NETO1: variants seen among roughly 807,000 people sequenced by gnomAD.
The protein encoded by NETO1 is neuropilin and tolloid like 1.
A neutral mutation model predicts 61.3 loss-of-function variants in NETO1; 26 were observed. The observed-to-expected ratio is 0.42, with a 90% confidence interval of 0.31 to 0.59. NETO1 has a LOEUF of 0.59. Ranked by LOEUF, NETO1 falls within the 20% of genes least tolerant of loss-of-function variation. The pLI is 0.12. For missense variants in NETO1, 531 were observed against 662.8 expected, an observed-to-expected ratio of 0.80 and a Z score of 2.18; for synonymous variants, 225 against 225.8, an observed-to-expected ratio of 1.00 and a Z score of 0.03.
rs546886634 is a variant in NETO1 at position 72,810,694 on chromosome 18, T to C, written c.470-16290A>G. On this transcript the variant is annotated intron_variant, in intron 4 of 10. Coordinates refer to ENST00000327305, the MANE Select transcript of NETO1 (RefSeq NM_138966.5). The stretch of plus-strand genomic sequence containing the variant: ...GCTTAAGACACAGCTGTTTATGAGA[T>C]ACCTGCTCAATCTGTAGTTCCTCGC... Among the ~76,000 whole-genome samples, 3 of 152,212 alleles carry C rather than the reference T, an allele frequency of 2.0e-5. No individual in the cohort carries two copies. The South Asian group carries it at 6.2e-4, about 32-fold the overall frequency.
rs187368316 is a variant in NETO1 at position 72,814,843 on chromosome 18, G to A, written c.470-20439C>T. 4.6e-3 allele frequency among the ~76,000 whole-genome samples: 701 copies of A among 151,720 alleles called. 6 individuals are homozygous for A. The highest frequency in any genetic ancestry group is 0.016 in the African/African-American group (655 of 41,402). On this transcript the variant is annotated intron_variant, in intron 4 of 10. Coordinates refer to ENST00000327305, the MANE Select transcript of NETO1 (RefSeq NM_138966.5). The stretch of plus-strand genomic sequence containing the variant: ...AAATGTATATATACCTAATAACATA[G>A]GTACAATGTTATCATTGCATCAATG...
At chr18:72,765,665 C>T (rs2071129501) in intron 7 of NETO1, among the ~76,000 whole-genome samples, 1 of 152,098 alleles carries the variant, frequency 6.6e-6, no homozygotes, top group African/African-American at 2.4e-5. Context: ...GATCCACCCA[C>T]CTTGGCCTCC....
At chr18:72,831,031 C>T (rs1008140059) in intron 4 of NETO1, among the ~76,000 whole-genome samples, 1 of 152,130 alleles carries the variant, frequency 6.6e-6, no homozygotes, top group East Asian at 1.9e-4. Flanking sequence ...TTTTCAAGAC[C>T]CCCTTACCCC....
intron 4 of NETO1, among the ~76,000 whole-genome samples, chr18:72,831,377 C>T (rs1302864616): frequency 6.6e-6 from 1 of 152,160 alleles, no homozygotes; most frequent in Admixed American, 6.5e-5. Flanking sequence ...GGGTTAACTC[C>T]ACTTCCATAT....
intron 8 of NETO1, 123 bp downstream of exon 8, chr18:72,755,911 A>G (rs2070767303): frequency 1.8e-6 from 1 of 566,752 alleles, no homozygotes; most frequent in South Asian, 2.6e-5. Flanking sequence ...TATAAGACAT[A>G]TGCGGTGGTC....
intron 6 of NETO1, among the ~76,000 whole-genome samples, chr18:72,784,416 A>G (rs1203836011): frequency 6.6e-6 from 1 of 152,176 alleles, no homozygotes; most frequent in Non-Finnish European, 1.5e-5. Flanking sequence ...TTCATTTTTG[A>G]GTCGAAGTAT....
chr18:72,751,251 G>A (rs895650207), intron 8 of NETO1, among the ~76,000 whole-genome samples: 13 of 152,166 alleles, frequency 8.5e-5, no homozygotes, highest in Admixed American at 8.5e-4. Flanking sequence ...TGAAACTCAG[G>A]AAATTGTCCT....
At position 72,830,106 on chromosome 18, in the gene NETO1, C is replaced by A. The variant is rs2073525124; in HGVS notation, c.469+28720G>T. Among the ~76,000 whole-genome samples, 1 of 152,100 alleles carries A rather than the reference C, an allele frequency of 6.6e-6. No homozygotes were observed. Among genetic ancestry groups the A allele is most frequent in the African/African-American group, 2.4e-5 (1 of 41,384 alleles). On this transcript the variant is annotated intron_variant, in intron 4 of 10. Coordinates refer to ENST00000327305, the MANE Select transcript of NETO1 (RefSeq NM_138966.5). This position sits in a 1 kb window ranked among gnomAD's most constrained non-coding sequence, Gnocchi z 4.9. ...TTCAGGCCCACATCTACCTATGTGG[C>A]TGAAATATGAAGGAAGTACTATAAA...
chr18:72,861,188 C>T (rs941030082), intron 3 of NETO1, among the ~76,000 whole-genome samples: 1 of 152,144 alleles, frequency 6.6e-6, no homozygotes, highest in Non-Finnish European at 1.5e-5. Flanking sequence ...TCGATGTTCC[C>T]CAGGAAACAT....
At chr18:72,840,639 GAT>G (rs943240256) in intron 4 of NETO1, among the ~76,000 whole-genome samples, 4 of 13,442 alleles carry the variant, frequency 3.0e-4, no homozygotes, top group South Asian at 1.6e-3. Flanking sequence ...GAAATTCAGA[GAT>G]TTTTTTTTTT....
chr18:72,791,102 C>T (rs997212716), intron 6 of NETO1, among the ~76,000 whole-genome samples: 2 of 152,086 alleles, frequency 1.3e-5, no homozygotes, highest in Admixed American at 1.3e-4. Context: ...GTTCTTTCTG[C>T]CTCTGGTTTT....
chr18:72,775,100 G>A (rs915357398), intron 7 of NETO1, among the ~76,000 whole-genome samples: 23 of 152,196 alleles, frequency 1.5e-4, no homozygotes, highest in African/African-American at 4.8e-4. Flanking sequence ...ACTGAAAGAG[G>A]CAGAGGTGAA....
At chr18:72,836,784 T>A (rs1020740136) in intron 4 of NETO1, among the ~76,000 whole-genome samples, 1 of 152,150 alleles carries the variant, frequency 6.6e-6, no homozygotes, top group Non-Finnish European at 1.5e-5. Context: ...GCAATTTTAA[T>A]CCGGGGATGG....
At chr18:72,834,246 A>C in intron 4 of NETO1, 1 of 735,478 alleles carries the variant, frequency 1.4e-6, no homozygotes, top group African/African-American at 1.9e-5. Flanking sequence ...AGTTTTAACT[A>C]TCCTTAAAAT....
chr18:72,798,390 A>G (rs567467332), intron 4 of NETO1, among the ~76,000 whole-genome samples: 119 of 152,212 alleles, frequency 7.8e-4, no homozygotes, highest in Non-Finnish European at 1.1e-3. Context: ...GAACATTAGC[A>G]AAGAAGTTTG....
chr18:72,866,720 T>C, intron 1 of NETO1: 1 of 987,314 alleles, frequency 1.0e-6, no homozygotes, highest in Non-Finnish European at 1.2e-6. Flanking sequence ...CCTTCCCACC[T>C]CTACACTGCC....
At chr18:72,823,016 ATC>A (rs2073250984) in intron 4 of NETO1, among the ~76,000 whole-genome samples, 4 of 152,182 alleles carry the variant, frequency 2.6e-5, no homozygotes, top group Admixed American at 2.6e-4. Context: ...TCCTTCAAGC[ATC>A]TCTGTATGTT....
chr18:72,756,059 A>G lies in NETO1; in HGVS notation c.957T>C (p.Tyr319=), dbSNP rs2070773188. ...CTTTACAGTGATTTTCATCCCAAGG[A>G]TACACACAGTTCTGGAGTCCATTGC... is the stretch of plus-strand genomic sequence containing the variant. ...LVCNGLQNCV[Y]PWDENHCKEK... is the part of the protein sequence containing the mutation. The change falls in exon 8 of 11, where the codon TAT becomes TAC. Residue 319 remains tyrosine (Y), a synonymous_variant. Coordinates refer to ENST00000327305, the MANE Select transcript of NETO1 (RefSeq NM_138966.5). 4 of 1,604,470 alleles carry G rather than the reference A, an allele frequency of 2.5e-6. No individual in the cohort carries two copies. The African/African-American group carries it at 4.0e-5, about 16-fold the overall frequency.
At chr18:72,864,215 G>A (rs1251461521) in intron 3 of NETO1, among the ~76,000 whole-genome samples, 1 of 152,032 alleles carries the variant, frequency 6.6e-6, no homozygotes, top group African/African-American at 2.4e-5. Context: ...CGTTCAAAGA[G>A]AAGTCTCTTT....
Sources: gnomAD v4.1 joint callset for allele counts (sites outside exome capture counted in the v4.1 genomes callset) on GRCh38, gnomAD v4.1.1 for gene constraint, Gnocchi (gnomAD v3.1) non-coding constraint, MANE v1.5 for transcripts, NCBI Gene and HGNC (gene_info 2026-07-23, HGNC 2026-07-21) for gene names.